Variants in CYB5B observed in about 807,000 individuals in gnomAD.
CYB5B encodes the protein cytochrome b5 type B, also known as cytochrome b5 type B (outer mitochondrial membrane).
Under a neutral mutation model 21.3 loss-of-function variants are expected in CYB5B, and 14 were observed. The ratio of observed to expected loss-of-function variants is 0.66; its 90% CI spans 0.43 to 1.03. The LOEUF is 1.03. Ranked by LOEUF, CYB5B falls within the 50% of genes least tolerant of loss-of-function variation. The pLI is 0.00. For synonymous variants in CYB5B, 69 were observed against 68.4 expected (o/e 1.01, Z -0.04); for missense variants, 166 against 185.1 (o/e 0.90, Z 0.60).
intron 1 of CYB5B, among the ~76,000 whole-genome samples, chr16:69,427,584 GCAGCTCACTGCAGCCT>G (rs1201436667): frequency 1.3e-5 from 2 of 152,058 alleles, no homozygotes; most frequent in Non-Finnish European, 2.9e-5. Flanking sequence ...AGGCTGGAGT[GCAGCTCACTGCAGCCT>G]CAGTCTCCTG....
At chr16:69,448,225 A>G (rs2014897159) in intron 3 of CYB5B, 81 bp downstream of exon 3, 3 of 1,491,738 alleles carry the variant, frequency 2.0e-6, no homozygotes, top group Non-Finnish European at 2.8e-6. Context: ...TTTTCTTAAC[A>G]AGAGAAGTTA....
At chr16:69,437,652 T>C (rs2014775068) in intron 1 of CYB5B, among the ~76,000 whole-genome samples, 1 of 152,202 alleles carries the variant, frequency 6.6e-6, no homozygotes. Flanking sequence ...TTTTTAGTTG[T>C]ATAATTCAGT....
intron 1 of CYB5B, among the ~76,000 whole-genome samples, chr16:69,427,068 C>G (rs185001): frequency 1.3e-5 from 2 of 151,742 alleles, no homozygotes; most frequent in Non-Finnish European, 2.9e-5. Context: ...GGCGAAACCT[C>G]GTCTCTACTA....
chr16:69,432,135 G>C (rs1169534919), intron 1 of CYB5B, among the ~76,000 whole-genome samples: 3 of 152,186 alleles, frequency 2.0e-5, no homozygotes, highest in Non-Finnish European at 2.9e-5. Flanking sequence ...GCGGGACCCA[G>C]GACATGCAAG....
At chr16:69,433,958 A>G (rs985061454) in intron 1 of CYB5B, among the ~76,000 whole-genome samples, 1 of 152,246 alleles carries the variant, frequency 6.6e-6, no homozygotes, top group African/African-American at 2.4e-5. Flanking sequence ...GTGACACAGT[A>G]ACAAGTATTT....
At chr16:69,429,880 A>T (rs556054397) in intron 1 of CYB5B, among the ~76,000 whole-genome samples, 1 of 152,260 alleles carries the variant, frequency 6.6e-6, no homozygotes, top group Non-Finnish European at 1.5e-5. Flanking sequence ...GAGGTTCCTA[A>T]TCTTAAGTGT....
chr16:69,455,620 A>C (rs549299792), intron 3 of CYB5B, among the ~76,000 whole-genome samples: 13 of 151,730 alleles, frequency 8.6e-5, no homozygotes, highest in Admixed American at 5.9e-4. Flanking sequence ...GTTGGCCAGG[A>C]TGATCTTGAT....
intron 1 of CYB5B, among the ~76,000 whole-genome samples, chr16:69,432,899 C>T (rs2014721145): frequency 6.6e-6 from 1 of 152,098 alleles, no homozygotes; most frequent in Non-Finnish European, 1.5e-5. Context: ...CGGGTTCAAG[C>T]GATTCTCCCT....
intron 1 of CYB5B, among the ~76,000 whole-genome samples, chr16:69,430,031 G>T (rs2014689279): frequency 6.6e-6 from 1 of 152,078 alleles, no homozygotes; most frequent in African/African-American, 2.4e-5. Context: ...TTGAATCAGT[G>T]CATTCATGAG....
chr16:69,426,904 T>G (rs889788833), intron 1 of CYB5B, among the ~76,000 whole-genome samples: 1 of 152,164 alleles, frequency 6.6e-6, no homozygotes, highest in African/African-American at 2.4e-5. Flanking sequence ...ATTTGCTTCA[T>G]AGTAAGTTTC....
At chr16:69,429,182 C>T (rs939905509) in intron 1 of CYB5B, among the ~76,000 whole-genome samples, 1 of 152,070 alleles carries the variant, frequency 6.6e-6, no homozygotes, top group African/African-American at 2.4e-5. Context: ...CATAGACCTT[C>T]GCGGTGAGTG....
chr16:69,448,241 T>G (rs1436502731), intron 3 of CYB5B, 97 bp downstream of exon 3: 3 of 1,409,112 alleles, frequency 2.1e-6, no homozygotes, highest in Non-Finnish European at 3.0e-6. Context: ...AGTTACAAAG[T>G]ATTTACTTTT....
intron 3 of CYB5B, among the ~76,000 whole-genome samples, chr16:69,456,585 A>G (rs147513459): frequency 1.4e-4 from 22 of 152,358 alleles, no homozygotes; most frequent in African/African-American, 4.8e-4. Context: ...AACTAAAATC[A>G]TAGTATTGCA....
chr16:69,458,117 T>TA (rs1158187603), intron 3 of CYB5B, among the ~76,000 whole-genome samples: 3 of 152,160 alleles, frequency 2.0e-5, no homozygotes, highest in Admixed American at 1.3e-4. Flanking sequence ...TTGAATTGAG[T>TA]AAAAAAATTG....
intron 1 of CYB5B, chr16:69,443,871 C>T (rs62050129): frequency 0.1 from 15,973 of 155,554 alleles, 858 homozygotes; most frequent in Middle Eastern, 0.15. Flanking sequence ...AACAAACAAA[C>T]AAACAACAAC....
At chr16:69,451,736 G>C (rs1233739041) in intron 3 of CYB5B, among the ~76,000 whole-genome samples, 1 of 151,570 alleles carries the variant, frequency 6.6e-6, no homozygotes, top group Non-Finnish European at 1.5e-5. Flanking sequence ...CGGATCACGA[G>C]GTCAGGAGAT....
At chr16:69,437,348 A>T (rs537322644) in intron 1 of CYB5B, among the ~76,000 whole-genome samples, 1 of 152,168 alleles carries the variant, frequency 6.6e-6, no homozygotes, top group Non-Finnish European at 1.5e-5. Flanking sequence ...GCAAATTCAC[A>T]AGAGGTTTAA....
chr16:69,438,694 T>C (rs2142814157), intron 1 of CYB5B, among the ~76,000 whole-genome samples: 1 of 152,302 alleles, frequency 6.6e-6, no homozygotes, highest in African/African-American at 2.4e-5. Context: ...CATCTTCTTA[T>C]TGGTCATTTG....
chr16:69,439,394 A>G (rs2014796357), intron 1 of CYB5B, among the ~76,000 whole-genome samples: 1 of 152,010 alleles, frequency 6.6e-6, no homozygotes, highest in Admixed American at 6.5e-5. Flanking sequence ...TATTTTTAGT[A>G]AAGATGATGT....
Sources: allele counts gnomAD v4.1 joint callset (sites outside exome capture counted in the v4.1 genomes callset), GRCh38; gene constraint gnomAD v4.1.1; transcripts MANE v1.5; gene names NCBI Gene and HGNC (gene_info 2026-07-23, HGNC 2026-07-21).